TNRC6A: variants seen among roughly 807,000 people sequenced by gnomAD.
TNRC6A encodes trinucleotide repeat containing adaptor 6A.
A neutral mutation model predicts 221.2 loss-of-function variants in TNRC6A; 44 were observed. The observed-to-expected ratio is 0.20, with a 90% confidence interval of 0.16 to 0.26. The LOEUF (loss-of-function observed/expected upper bound fraction) is 0.26, where lower values mean the gene tolerates loss of function less well. TNRC6A is among the 10% of genes least tolerant of loss of function. The pLI, the probability that TNRC6A is intolerant of heterozygous loss-of-function variation, is 1.00. For missense variants in TNRC6A, 2,199 were observed against 2,404.4 expected, an observed-to-expected ratio of 0.91 and a Z score of 1.79; for synonymous variants, 847 against 838.5, an observed-to-expected ratio of 1.01 and a Z score of -0.18.
chr16:24,724,617 GC>G (rs2056463198), intron 2 of TNRC6A, among the ~76,000 whole-genome samples: 1 of 152,080 alleles, frequency 6.6e-6, no homozygotes, highest in African/African-American at 2.4e-5. Context: ...GCAGTGACTT[GC>G]GGCTGTAGTC....
Position 24,648,446 on chromosome 16 carries a change from A to G in TNRC6A, n.402+7437A>G, listed in dbSNP as rs536772521. 3.0e-4 allele frequency among the ~76,000 whole-genome samples: 45 copies of G among 151,742 alleles called. 2 individuals carry two copies. The East Asian group carries it at 6.6e-3, about 22-fold the overall frequency. ...CCACCACGCCTGGCTAATTTTTTGT[A>G]TTTTTAGTAGAGACGGGGTTTCACC... On this transcript the variant is annotated intron_variant and non_coding_transcript_variant, in intron 2 of 2. Coordinates refer to the TNRC6A transcript ENST00000566108.
chr16:24,818,252 A>G (rs1433426913), intron 20 of TNRC6A, among the ~76,000 whole-genome samples: 4 of 152,134 alleles, frequency 2.6e-5, no homozygotes, highest in Non-Finnish European at 5.9e-5. Flanking sequence ...GCGAGTTAGC[A>G]CCAAGACTCG....
At chr16:24,758,440 A>G in intron 4 of TNRC6A, 80 bp downstream of exon 4, 1 of 1,429,348 alleles carries the variant, frequency 7.0e-7, no homozygotes, top group Non-Finnish European at 9.8e-7. Flanking sequence ...CACCTCAAGG[A>G]TGGGAGAGAG....
intron 2 of TNRC6A, among the ~76,000 whole-genome samples, chr16:24,651,538 C>CAAAAAAAAA (rs768568973): frequency 1.0e-4 from 5 of 48,772 alleles, no homozygotes; most frequent in African/African-American, 2.6e-4. Flanking sequence ...AACTCCATCT[C>CAAAAAAAAA]AAAAAAAAAA....
At position 24,677,626 on chromosome 16, in the gene TNRC6A, T is replaced by C. The variant is rs186549794; in HGVS notation, n.402+36617T>C. The stretch of plus-strand genomic sequence containing the variant: ...CCTGTGAAACAGTGCGTGAATTACA[T>C]AGCAACTGTCTTGTTTCTTATGCTC... On this transcript the variant is annotated intron_variant and non_coding_transcript_variant, in intron 2 of 2. Transcript: ENST00000566108. 2.5e-4 allele frequency among the ~76,000 whole-genome samples: 38 copies of C among 152,340 alleles called. 3 individuals carry two copies. In the East Asian group the frequency reaches 5.8e-3, roughly 23 times the overall value.
chr16:24,712,260 C>T (rs1467502511), intron 2 of TNRC6A, among the ~76,000 whole-genome samples: 1 of 152,164 alleles, frequency 6.6e-6, no homozygotes, highest in Admixed American at 6.6e-5. Flanking sequence ...CTGCCTTGGC[C>T]TCCCAAAGGG....
At chr16:24,699,555 A>G (rs1388779510) in intron 2 of TNRC6A, among the ~76,000 whole-genome samples, 1 of 152,018 alleles carries the variant, frequency 6.6e-6, no homozygotes, top group African/African-American at 2.4e-5. Context: ...CCATTTCTAC[A>G]AAAAATTTTT....
intron 17 of TNRC6A, among the ~76,000 whole-genome samples, chr16:24,808,128 C>G (rs942261005): frequency 1.2e-4 from 19 of 152,180 alleles, no homozygotes; most frequent in African/African-American, 4.6e-4. Context: ...TCAGAGACAA[C>G]AGTTAGTAGT....
chr16:24,701,221 G>A (rs752231568), intron 2 of TNRC6A, among the ~76,000 whole-genome samples: 1 of 152,198 alleles, frequency 6.6e-6, no homozygotes, highest in Admixed American at 6.6e-5. Flanking sequence ...TCCCAAATGA[G>A]GCTGCAGGGG....
chr16:24,791,103 A>G lies in TNRC6A; in HGVS notation c.2461A>G (p.Asn821Asp), dbSNP rs1178585458. ...AATGGTCAAGAGCAATCAGTGGGGG[A>G]ATTGCAAAGAGGAGAAGGCTGCATG... ...TGMVKSNQWG[N>D]CKEEKAAWND... Residue 821 changes from asparagine to aspartate, a missense_variant, in exon 6 of 25, where the codon AAT becomes GAT. Transcript: ENST00000395799. 6.2e-7 allele frequency: 1 copy of G among 1,613,426 alleles called. No homozygotes were observed. Among genetic ancestry groups the G allele is most frequent in the African/African-American group, 1.3e-5 (1 of 74,874 alleles).
chr16:24,805,520 T>A, intron 14 of TNRC6A, 85 bp from the exon 15 acceptor site: 1 of 1,548,730 alleles, frequency 6.5e-7, no homozygotes, highest in Non-Finnish European at 8.8e-7. Context: ...ATTTAACTGC[T>A]CTATTGACAA....
chr16:24,782,270 C>T (rs1333756614), intron 5 of TNRC6A, among the ~76,000 whole-genome samples: 1 of 152,220 alleles, frequency 6.6e-6, no homozygotes, highest in Non-Finnish European at 1.5e-5. Flanking sequence ...CTACCACTTT[C>T]ACCCCATCTC....
intron 2 of TNRC6A, among the ~76,000 whole-genome samples, chr16:24,672,529 C>T (rs2055327788): frequency 6.6e-6 from 1 of 152,118 alleles, no homozygotes; most frequent in Non-Finnish European, 1.5e-5. Context: ...GCAACCTCAA[C>T]CTCCTGGGCT....
chr16:24,796,664 G>A (rs1202146367), intron 9 of TNRC6A, among the ~76,000 whole-genome samples: 2 of 152,214 alleles, frequency 1.3e-5, no homozygotes, highest in African/African-American at 4.8e-5. Context: ...TTGCTTCAGA[G>A]ACCTGCATTT....
intron 5 of TNRC6A, 74 bp downstream of exon 5, chr16:24,777,432 C>T: frequency 6.8e-7 from 1 of 1,465,674 alleles, no homozygotes; most frequent in South Asian, 1.3e-5. Context: ...AAATTCGTAG[C>T]TTTTTGGTGA....
chr16:24,744,162 T>C (rs1228576345), intron 2 of TNRC6A, among the ~76,000 whole-genome samples: 2 of 152,180 alleles, frequency 1.3e-5, no homozygotes, highest in Admixed American at 1.3e-4. Context: ...TTATGCAGTT[T>C]TGGCAGGAAT....
At chr16:24,717,563 C>T (rs956583809) in intron 2 of TNRC6A, among the ~76,000 whole-genome samples, 10 of 152,170 alleles carry the variant, frequency 6.6e-5, no homozygotes, top group Admixed American at 4.6e-4. Flanking sequence ...GCGGCAGGCC[C>T]GAGCATCATG....
At position 24,786,301 on chromosome 16, in the gene TNRC6A, TTG is replaced by T. The variant is rs1491005863; in HGVS notation, c.590-2929_590-2928del. ...GTTCAGAGTCCTTTTTTGTTTTTTT[TTG>T]TTGTTGTTGTTGTTTTGTTTTGTTT... On this transcript the variant is annotated intron_variant, in intron 5 of 24. Transcript: ENST00000395799. Among the ~76,000 whole-genome samples, 249 of 92,534 alleles carry T rather than the reference TTG, an allele frequency of 2.7e-3. 1 individual carries two copies. Among genetic ancestry groups the T allele is most frequent in the African/African-American group, 8.2e-3 (216 of 26,360 alleles). The allele number at this position is 92,534 out of a possible 152,430, so 60.7% of individuals were successfully genotyped here.
At chr16:24,629,926 T>C (rs1596557538) in intron 1 of TNRC6A, among the ~76,000 whole-genome samples, 2 of 151,464 alleles carry the variant, frequency 1.3e-5, no homozygotes, top group African/African-American at 4.9e-5. Context: ...TGAGCTATGA[T>C]CACACCACTG....
Sources: gnomAD v4.1 joint callset for allele counts (sites outside exome capture counted in the v4.1 genomes callset) on GRCh38, gnomAD v4.1.1 for gene constraint, MANE v1.5 for transcripts, NCBI Gene and HGNC (gene_info 2026-07-23, HGNC 2026-07-21) for gene names.